The following LRFN2 variants were observed in gnomAD, a reference collection of about 807,000 sequenced individuals.
LRFN2 encodes the protein leucine-rich repeat and fibronectin type-III domain-containing protein 2.
LRFN2 carries 18 observed loss-of-function variants against 37.3 expected under a neutral mutation model. That is an observed-to-expected ratio of 0.48 (90% CI 0.33 to 0.72). The LOEUF is 0.72. Ranked by LOEUF, LRFN2 falls within the 30% of genes least tolerant of loss-of-function variation. LRFN2 has a pLI of 0.02. For missense variants in LRFN2, 1,006 were observed against 1,060.7 expected, an observed-to-expected ratio of 0.95 and a Z score of 0.72; for synonymous variants, 556 against 466.6, an observed-to-expected ratio of 1.19 and a Z score of -2.47.
intron 1 of LRFN2, among the ~76,000 whole-genome samples, chr6:40,566,299 G>A (rs1185035296): frequency 1.3e-5 from 2 of 152,266 alleles, no homozygotes; most frequent in African/African-American, 4.8e-5. Flanking sequence ...CTGTAAACTA[G>A]CTCAACCATT....
At chr6:40,577,250 C>T (rs988666180) in intron 1 of LRFN2, among the ~76,000 whole-genome samples, 3 of 151,990 alleles carry the variant, frequency 2.0e-5, no homozygotes, top group African/African-American at 4.8e-5. Flanking sequence ...TACAGGCACG[C>T]GCGGCCATGT....
At chr6:40,435,236 T>C (rs897484152) in intron 1 of LRFN2, among the ~76,000 whole-genome samples, 1 of 144,770 alleles carries the variant, frequency 6.9e-6, no homozygotes, top group Non-Finnish European at 1.5e-5. Flanking sequence ...TCATAATTCA[T>C]GACAGCCTGA....
At chr6:40,429,602 T>A (rs1763433028) in intron 2 of LRFN2, among the ~76,000 whole-genome samples, 1 of 152,210 alleles carries the variant, frequency 6.6e-6, no homozygotes, top group South Asian at 2.1e-4. Context: ...TCAAAATGAG[T>A]ACTTCCACTG....
chr6:40,412,255 A>G (rs1762986832), intron 2 of LRFN2, among the ~76,000 whole-genome samples: 1 of 152,164 alleles, frequency 6.6e-6, no homozygotes, highest in Admixed American at 6.5e-5. Context: ...CACACCTTAC[A>G]AATTCTCAGG....
chr6:40,402,941 A>T (rs1056047457), intron 2 of LRFN2, among the ~76,000 whole-genome samples: 2 of 152,196 alleles, frequency 1.3e-5, no homozygotes, highest in African/African-American at 2.4e-5. Context: ...CCAGGCAGGA[A>T]GGAGGTGCCA....
intron 1 of LRFN2, among the ~76,000 whole-genome samples, chr6:40,444,904 T>C (rs1763931235): frequency 8.6e-6 from 1 of 115,844 alleles, no homozygotes; most frequent in African/African-American, 3.5e-5. Flanking sequence ...TCTTCATGAT[T>C]TTTTTTTTTA....
intron 1 of LRFN2, among the ~76,000 whole-genome samples, chr6:40,458,671 C>A (rs1205633633): frequency 6.6e-6 from 1 of 152,200 alleles, no homozygotes; most frequent in Admixed American, 6.5e-5. Flanking sequence ...GCAATGTGAC[C>A]TTGTGTTCTC....
chr6:40,586,041 G>T (rs1238605596), intron 1 of LRFN2, among the ~76,000 whole-genome samples: 1 of 152,118 alleles, frequency 6.6e-6, no homozygotes, highest in Non-Finnish European at 1.5e-5. Context: ...GTCCCTCTGC[G>T]GTCTCCACTC....
At chr6:40,544,351 T>C (rs1766614878) in intron 1 of LRFN2, among the ~76,000 whole-genome samples, 1 of 152,244 alleles carries the variant, frequency 6.6e-6, no homozygotes, top group Admixed American at 6.5e-5. Flanking sequence ...TTAGCATGAA[T>C]TCTCAGTGTC....
At chr6:40,412,687 G>T (rs1201500333) in intron 2 of LRFN2, among the ~76,000 whole-genome samples, 2 of 152,164 alleles carry the variant, frequency 1.3e-5, no homozygotes, top group Non-Finnish European at 2.9e-5. Flanking sequence ...AATGTTTGTG[G>T]AGCTTATGTG....
At chr6:40,476,024 AG>A (rs1288153500) in intron 1 of LRFN2, among the ~76,000 whole-genome samples, 3 of 152,224 alleles carry the variant, frequency 2.0e-5, no homozygotes, top group African/African-American at 7.2e-5. Flanking sequence ...CATTGGTATA[AG>A]GATGAATGTA....
chr6:40,439,644 C>G (rs1763782129), intron 1 of LRFN2, among the ~76,000 whole-genome samples: 1 of 152,230 alleles, frequency 6.6e-6, no homozygotes, highest in Non-Finnish European at 1.5e-5. Context: ...TGCCCATACA[C>G]TCTCAGGAAG....
chr6:40,417,826 G>A lies in LRFN2; in HGVS notation c.1400+13888C>T, dbSNP rs75352138. Among the ~76,000 whole-genome samples the A allele has an allele frequency of 9.0e-3, 1,375 of 152,282 alleles. 19 individuals carry two copies. The highest frequency in any genetic ancestry group is 0.03 in the African/African-American group (1,259 of 41,556). On this transcript the variant is annotated intron_variant, in intron 2 of 2. Coordinates refer to ENST00000338305, the MANE Select transcript of LRFN2 (RefSeq NM_020737.3). ...ATCTCCTCCTGCCCCAAGTGGGAGA[G>A]AAAGAAGGGGTCCTTCTCCCATTTT...
At chr6:40,448,992 C>G (rs1434653407) in intron 1 of LRFN2, among the ~76,000 whole-genome samples, 1 of 152,194 alleles carries the variant, frequency 6.6e-6, no homozygotes, top group Non-Finnish European at 1.5e-5. Flanking sequence ...CCAACTCTTC[C>G]TTGACACGCA....
intron 2 of LRFN2, among the ~76,000 whole-genome samples, chr6:40,407,665 G>C (rs952396082): frequency 2.0e-5 from 3 of 152,196 alleles, no homozygotes; most frequent in Admixed American, 6.5e-5. Context: ...TATAAACACA[G>C]ACGTGTGCAA....
rs774555383 is a variant in LRFN2 at position 40,392,387 on chromosome 6, G to A, written c.1926C>T (p.Ile642=). The part of the protein sequence containing the change: ...AAGLGRAPWR[I]PPSAPRPKPS... Reference sequence around the variant, plus strand: ...GCTTGGGGCGCGGGGCGGAGGGTGGGATCCTCCAGGGGGCCCGTCCCAGCC... The same window carrying A: ...GCTTGGGGCGCGGGGCGGAGGGTGGAATCCTCCAGGGGGCCCGTCCCAGCC... The change falls in exon 3 of 3, where the codon ATC becomes ATT. Residue 642 remains isoleucine (I), a synonymous_variant. Transcript: ENST00000338305. The surrounding 1 kb of genome is among the most constrained non-coding windows in gnomAD (Gnocchi z 4.7). 1 of 1,585,788 alleles carries A rather than the reference G, an allele frequency of 6.3e-7. No individual in the cohort carries two copies. The highest frequency in any genetic ancestry group is 8.6e-7 in the Non-Finnish European group (1 of 1,166,348).
intron 2 of LRFN2, among the ~76,000 whole-genome samples, chr6:40,418,852 A>T: frequency 6.6e-6 from 1 of 152,222 alleles, no homozygotes; most frequent in Non-Finnish European, 1.5e-5. Context: ...GCTCAGAAAC[A>T]TAGCTACTTT....
At chr6:40,573,721 T>A (rs1055311714) in intron 1 of LRFN2, among the ~76,000 whole-genome samples, 1 of 152,216 alleles carries the variant, frequency 6.6e-6, no homozygotes, top group Non-Finnish European at 1.5e-5. Flanking sequence ...CTCACGCCTG[T>A]AATCCCAGCA....
intron 1 of LRFN2, among the ~76,000 whole-genome samples, chr6:40,485,956 G>T (rs992811915): frequency 1.3e-5 from 2 of 152,256 alleles, no homozygotes; most frequent in Non-Finnish European, 2.9e-5. Context: ...AACAGGGACA[G>T]CTGGAGCTCA....
Sources: allele counts gnomAD v4.1 joint callset (sites outside exome capture counted in the v4.1 genomes callset), GRCh38; gene constraint gnomAD v4.1.1; non-coding constraint Gnocchi (gnomAD v3.1); transcripts MANE v1.5; gene names NCBI Gene and HGNC (gene_info 2026-07-23, HGNC 2026-07-21).